The following ALCAM variants were observed in gnomAD, a reference collection of about 807,000 sequenced individuals.
The protein encoded by ALCAM is activated leukocyte cell adhesion molecule.
Under a neutral mutation model 70.9 loss-of-function variants are expected in ALCAM, and 30 were observed. That is an observed-to-expected ratio of 0.42 (90% CI 0.32 to 0.57). ALCAM has a LOEUF of 0.57. Among genes scored for constraint, ALCAM ranks in the 20% least tolerant of loss-of-function variants. ALCAM has a pLI of 0.11. For missense variants in ALCAM, 591 were observed against 695.1 expected, an observed-to-expected ratio of 0.85 and a Z score of 1.68; for synonymous variants, 249 against 242.5, an observed-to-expected ratio of 1.03 and a Z score of -0.25.
intron 1 of ALCAM, among the ~76,000 whole-genome samples, chr3:105,391,482 T>C (rs1286354010): frequency 6.6e-6 from 1 of 151,896 alleles, no homozygotes; most frequent in Non-Finnish European, 1.5e-5. Context: ...CTTATCAGCT[T>C]TGGGGCTAAG....
chr3:105,475,850 G>A (rs1938094858), intron 1 of ALCAM, among the ~76,000 whole-genome samples: 1 of 151,736 alleles, frequency 6.6e-6, no homozygotes, highest in African/African-American at 2.4e-5. Context: ...TCCCATTTAA[G>A]ATAAAAAATA....
chr3:105,572,210 T>A (rs888844602), intron 15 of ALCAM, among the ~76,000 whole-genome samples: 2 of 152,150 alleles, frequency 1.3e-5, no homozygotes, highest in Non-Finnish European at 2.9e-5. Context: ...CATTAGGTAT[T>A]TCTCCTAATG....
chr3:105,483,214 G>T (rs1390875320), intron 1 of ALCAM, among the ~76,000 whole-genome samples: 1 of 152,096 alleles, frequency 6.6e-6, no homozygotes, highest in Non-Finnish European at 1.5e-5. Context: ...TAAATGAGGG[G>T]AGAAGCTATA....
chr3:105,452,896 C>T (rs1027253262), intron 1 of ALCAM, among the ~76,000 whole-genome samples: 4 of 151,696 alleles, frequency 2.6e-5, no homozygotes, highest in Non-Finnish European at 2.9e-5. Context: ...TGTTCATACC[C>T]TTTGCCCGCT....
At chr3:105,428,266 G>A (rs1019003820) in intron 1 of ALCAM, among the ~76,000 whole-genome samples, 17 of 151,796 alleles carry the variant, frequency 1.1e-4, no homozygotes, top group African/African-American at 4.1e-4. Context: ...ATCCTCATAA[G>A]TTTAAACAGA....
At chr3:105,523,839 G>A (rs1389188521) in intron 2 of ALCAM, among the ~76,000 whole-genome samples, 2 of 152,110 alleles carry the variant, frequency 1.3e-5, no homozygotes, top group Admixed American at 6.5e-5. Flanking sequence ...TTAGAGGTGT[G>A]GACATTTAAA....
intron 6 of ALCAM, among the ~76,000 whole-genome samples, chr3:105,537,915 C>A (rs575920813): frequency 9.2e-5 from 14 of 152,130 alleles, no homozygotes; most frequent in Non-Finnish European, 1.5e-4. Flanking sequence ...TAAATAAATA[C>A]ATGAAAAGAA....
chr3:105,376,851 T>A (rs1395465635), intron 1 of ALCAM, among the ~76,000 whole-genome samples: 1 of 152,166 alleles, frequency 6.6e-6, no homozygotes, highest in Non-Finnish European at 1.5e-5. Flanking sequence ...ACATGGTTTC[T>A]AACTCCTGGA....
chr3:105,564,083 T>C lies in ALCAM; in HGVS notation c.1665-7769T>C, dbSNP rs188697989. On this transcript the variant is annotated intron_variant, in intron 14 of 15. Coordinates refer to ENST00000306107, the MANE Select transcript of ALCAM (RefSeq NM_001627.4). ...ATTTATTTTTTGGCCTAGCATGCAGTTTTTCCTTGTGAATACTCCACGGAC... is the reference window on the plus strand; with the variant it reads ...ATTTATTTTTTGGCCTAGCATGCAGCTTTTCCTTGTGAATACTCCACGGAC... 1.4e-4 allele frequency among the ~76,000 whole-genome samples: 21 copies of C among 152,224 alleles called. No individual in the cohort carries two copies. In the East Asian group the frequency reaches 3.9e-3, roughly 28 times the overall value.
chr3:105,547,821 TG>T (rs912408004), intron 11 of ALCAM, among the ~76,000 whole-genome samples: 1 of 151,524 alleles, frequency 6.6e-6, no homozygotes, highest in Admixed American at 6.6e-5. Context: ...TATTACTTCA[TG>T]ATCATTCATT....
At chr3:105,520,224 C>A in intron 2 of ALCAM, 57 bp downstream of exon 2, 2 of 1,226,272 alleles carry the variant, frequency 1.6e-6, no homozygotes. Flanking sequence ...AAATAAAATT[C>A]TTTCTGTGAG....
At chr3:105,396,193 A>G (rs1935947072) in intron 1 of ALCAM, among the ~76,000 whole-genome samples, 1 of 152,050 alleles carries the variant, frequency 6.6e-6, no homozygotes, top group African/African-American at 2.4e-5. Flanking sequence ...TAAATGAGTA[A>G]AATACTGTAT....
chr3:105,533,271 A>C (rs1030325568), intron 4 of ALCAM, among the ~76,000 whole-genome samples: 5 of 152,196 alleles, frequency 3.3e-5, no homozygotes, highest in Admixed American at 1.3e-4. Context: ...AGTCAGTGTT[A>C]ATAGAGTAAT....
chr3:105,375,760 A>T (rs1292638656), intron 1 of ALCAM, among the ~76,000 whole-genome samples: 1 of 152,092 alleles, frequency 6.6e-6, no homozygotes, highest in East Asian at 1.9e-4. Flanking sequence ...TTTTTTTCTT[A>T]AAAAAACCAG....
chr3:105,571,782 T>C, intron 14 of ALCAM, 70 bp from the exon 15 acceptor site: 1 of 1,188,054 alleles, frequency 8.4e-7, no homozygotes, highest in Non-Finnish European at 1.2e-6. Context: ...TTAATTCAAA[T>C]CTTAAAATTA....
At chr3:105,379,403 C>A (rs184787011) in intron 1 of ALCAM, among the ~76,000 whole-genome samples, 31 of 151,596 alleles carry the variant, frequency 2.0e-4, no homozygotes, top group African/African-American at 7.0e-4. Context: ...GTCAAGTAAC[C>A]TTTCAGTTTT....
At chr3:105,554,464 T>G (rs1940475150) in intron 14 of ALCAM, among the ~76,000 whole-genome samples, 1 of 151,972 alleles carries the variant, frequency 6.6e-6, no homozygotes, top group South Asian at 2.1e-4. Context: ...GCCTACTGAT[T>G]CGGTTCAAAT....
At chr3:105,445,872 C>A (rs981121645) in intron 1 of ALCAM, among the ~76,000 whole-genome samples, 1 of 152,092 alleles carries the variant, frequency 6.6e-6, no homozygotes, top group Non-Finnish European at 1.5e-5. Flanking sequence ...AATGATAAAA[C>A]TACTGGAAGG....
At chr3:105,413,788 A>G (rs1936444948) in intron 1 of ALCAM, among the ~76,000 whole-genome samples, 2 of 152,148 alleles carry the variant, frequency 1.3e-5, no homozygotes, top group African/African-American at 4.8e-5. Flanking sequence ...TCTTTCAATT[A>G]AATAATGCAA....
Sources: allele counts gnomAD v4.1 joint callset (sites outside exome capture counted in the v4.1 genomes callset), GRCh38; gene constraint gnomAD v4.1.1; transcripts MANE v1.5; gene names NCBI Gene and HGNC (gene_info 2026-07-23, HGNC 2026-07-21).